Variants in CCAR1 observed in about 807,000 individuals in gnomAD.
CCAR1 encodes the protein cell division cycle and apoptosis regulator 1.
Under a neutral mutation model 163.8 loss-of-function variants are expected in CCAR1, and 78 were observed. The ratio of observed to expected loss-of-function variants is 0.48; its 90% confidence interval spans 0.40 to 0.57. The LOEUF (loss-of-function observed/expected upper bound fraction) is 0.57, where lower values mean the gene tolerates loss of function less well. Among genes scored for constraint, CCAR1 ranks in the 20% least tolerant of loss-of-function variants. CCAR1 has a pLI of 0.00. For missense variants in CCAR1, 1,019 were observed against 1,365.2 expected (o/e 0.75, Z 4.00); for synonymous variants, 443 against 460.7 (o/e 0.96, Z 0.49).
chr10:68,747,304 A>G lies in CCAR1; in HGVS notation c.633+29A>G, dbSNP rs766676573. The stretch of plus-strand genomic sequence containing the variant: ...CAGAAAGTATTGAGTTAGGTATTAT[A>G]GAAGCTTGGTAAATGAGTCTTCTAA... On this transcript the variant is annotated intron_variant, in intron 7 of 24. Transcript: ENST00000265872. 9 of 1,586,544 alleles carry G rather than the reference A, an allele frequency of 5.7e-6. No homozygotes were observed. In the Admixed American group the frequency reaches 1.4e-4, roughly 24 times the overall value.
chr10:68,775,578 C>T (rs559329785), intron 19 of CCAR1, among the ~76,000 whole-genome samples: 12 of 149,520 alleles, frequency 8.0e-5, no homozygotes, highest in African/African-American at 2.2e-4. Flanking sequence ...GGCACAGTCT[C>T]GGCTCACTGC....
intron 5 of CCAR1, among the ~76,000 whole-genome samples, chr10:68,741,213 C>T (rs978297363): frequency 1.3e-5 from 2 of 152,008 alleles, no homozygotes; most frequent in Admixed American, 6.6e-5. Flanking sequence ...CCACCATGCC[C>T]GGCTGAGGTT....
rs184530306 is a variant in CCAR1, at chr10:68,771,192, A to C, written c.2299-14A>C. On this transcript the variant is annotated splice_polypyrimidine_tract_variant and intron_variant, in intron 17 of 24. Transcript: ENST00000265872. Reference sequence around the variant, plus strand: ...TTGAAATTTGGCTAGGTTCATGTTGATATCTTTTTATAGGTTTCATTGTTT... The same window carrying C: ...TTGAAATTTGGCTAGGTTCATGTTGCTATCTTTTTATAGGTTTCATTGTTT... 1.1e-5 allele frequency: 18 copies of C among 1,570,908 alleles called. No homozygotes were observed. Among genetic ancestry groups the C allele is most frequent in the Non-Finnish European group, 1.5e-5 (17 of 1,164,910 alleles).
Position 68,776,905 on chromosome 10 carries a change from C to A in CCAR1, c.2650+3806C>A, listed in dbSNP as rs577200562. 3.3e-5 allele frequency among the ~76,000 whole-genome samples: 5 copies of A among 152,182 alleles called. No homozygotes were observed. In the East Asian group the frequency reaches 7.7e-4, roughly 23 times the overall value. ...CTCATATTGAACTGTCTACTTGACA[C>A]CTCCACTTAGTTATCTGGCATTTCA... is the stretch of plus-strand genomic sequence containing the variant. On this transcript the variant is annotated intron_variant, in intron 19 of 24. Coordinates refer to ENST00000265872, the MANE Select transcript of CCAR1 (RefSeq NM_018237.4).
Position 68,774,496 on chromosome 10 carries a change from G to T in CCAR1, c.2650+1397G>T, listed in dbSNP as rs202105690. ...CTACTAAAAATACAAAAAATTAGCC[G>T]GGCACGCGCCTGTAATACCAGCTTC... On this transcript the variant is annotated intron_variant, in intron 19 of 24. Transcript: ENST00000265872. Among the ~76,000 whole-genome samples the T allele has an allele frequency of 9.2e-5, 14 of 151,730 alleles. No individual in the cohort carries two copies. In the East Asian group the frequency reaches 2.5e-3, roughly 27 times the overall value.
At chr10:68,747,070 C>G (rs2056265915) in intron 6 of CCAR1, 91 bp from the exon 7 acceptor site, 2 of 638,200 alleles carry the variant, frequency 3.1e-6, no homozygotes, top group East Asian at 3.0e-5. Flanking sequence ...ATATGGTTTA[C>G]TTTAAAGTAC....
At chr10:68,748,865 A>G (rs759755396) in intron 8 of CCAR1, among the ~76,000 whole-genome samples, 7 of 151,758 alleles carry the variant, frequency 4.6e-5, no homozygotes, top group Non-Finnish European at 8.8e-5. Context: ...TTTTTTAGAG[A>G]TAGGGTTTTG....
At chr10:68,749,885 G>A (rs772100438) in intron 10 of CCAR1, among the ~76,000 whole-genome samples, 200 bp downstream of exon 10, 1 of 152,124 alleles carries the variant, frequency 6.6e-6, no homozygotes, top group Non-Finnish European at 1.5e-5. Context: ...GATATCGACT[G>A]GTATTGAAAA....
intron 17 of CCAR1, among the ~76,000 whole-genome samples, chr10:68,770,518 G>A (rs575343920): frequency 1.2e-3 from 178 of 152,060 alleles, no homozygotes; most frequent in Non-Finnish European, 2.4e-3. Context: ...CAAGGCAGGC[G>A]GATCACCTGA....
intron 2 of CCAR1, among the ~76,000 whole-genome samples, chr10:68,728,176 T>C (rs973843859): frequency 1.3e-5 from 2 of 152,176 alleles, no homozygotes; most frequent in African/African-American, 2.4e-5. Context: ...TTCAGTATAT[T>C]TGATGAAAAA....
chr10:68,790,001 T>G (rs2056836044), intron 24 of CCAR1, 86 bp downstream of exon 24: 1 of 800,532 alleles, frequency 1.2e-6, no homozygotes, highest in South Asian at 2.1e-5. Context: ...TATTAAGCTC[T>G]TAGTGATTAT....
chr10:68,742,622 C>CT, intron 6 of CCAR1, 53 bp downstream of exon 6: 1 of 1,376,680 alleles, frequency 7.3e-7, no homozygotes, highest in South Asian at 1.2e-5. Context: ...CACAAAACAC[C>CT]TGTTTAGTTG....
intron 1 of CCAR1, among the ~76,000 whole-genome samples, 194 bp from the exon 2 acceptor site, chr10:68,722,261 G>T (rs2055870203): frequency 6.6e-6 from 1 of 152,062 alleles, no homozygotes. Context: ...GGCATTTTTG[G>T]TGATCTACTT....
At chr10:68,722,023 G>T (rs2055866593) in intron 1 of CCAR1, among the ~76,000 whole-genome samples, 1 of 152,092 alleles carries the variant, frequency 6.6e-6, no homozygotes, top group South Asian at 2.1e-4. Context: ...CTGTGATGGG[G>T]GTCTTGTCCC....
intron 16 of CCAR1, among the ~76,000 whole-genome samples, chr10:68,761,900 C>T (rs2056476264): frequency 6.6e-6 from 1 of 152,154 alleles, no homozygotes; most frequent in East Asian, 1.9e-4. Context: ...CTGTGCCCGG[C>T]CATGCATATG....
At chr10:68,773,415 C>T (rs1036500576) in intron 19 of CCAR1, among the ~76,000 whole-genome samples, 6 of 152,158 alleles carry the variant, frequency 3.9e-5, no homozygotes, top group African/African-American at 1.4e-4. Flanking sequence ...GTAATCCCAG[C>T]ACTTTGGGAG....
intron 2 of CCAR1, 96 bp from the exon 3 acceptor site, chr10:68,736,780 A>G (rs1425262005): frequency 1.0e-6 from 1 of 1,004,708 alleles, no homozygotes. Context: ...TGGAGTGAAC[A>G]TGGGGGTGCG....
intron 19 of CCAR1, among the ~76,000 whole-genome samples, chr10:68,782,341 T>TTTAA (rs1479667424): frequency 6.6e-6 from 1 of 151,934 alleles, no homozygotes; most frequent in Non-Finnish European, 1.5e-5. Context: ...AGCCCAGGCA[T>TTTAA]TTAAGGCTGC....
chr10:68,762,105 G>A (rs574352648), intron 16 of CCAR1, among the ~76,000 whole-genome samples: 10 of 151,728 alleles, frequency 6.6e-5, no homozygotes, highest in African/African-American at 2.4e-4. Flanking sequence ...CGAGGTGGGC[G>A]GATCACGAGG....
Sources: allele counts gnomAD v4.1 joint callset (sites outside exome capture counted in the v4.1 genomes callset), GRCh38; gene constraint gnomAD v4.1.1; transcripts MANE v1.5; gene names NCBI Gene and HGNC (gene_info 2026-07-23, HGNC 2026-07-21).